Variants in DCP2 observed in about 807,000 individuals in gnomAD.
The protein encoded by DCP2 is m7GpppN-mRNA hydrolase.
DCP2 carries 30 observed loss-of-function variants against 56.1 expected under a neutral mutation model. The ratio of observed to expected loss-of-function variants is 0.53; its 90% CI spans 0.40 to 0.73. The LOEUF (loss-of-function observed/expected upper bound fraction) is 0.73. Among genes scored for constraint, DCP2 ranks in the 30% least tolerant of loss-of-function variants. DCP2 has a pLI of 0.00. For missense variants in DCP2, 533 were observed against 502.7 expected, an observed-to-expected ratio of 1.06 and a Z score of -0.58; for synonymous variants, 197 against 163.3, an observed-to-expected ratio of 1.21 and a Z score of -1.57.
chr5:113,004,537 C>T (rs1360452074), intron 8 of DCP2, among the ~76,000 whole-genome samples: 2 of 152,170 alleles, frequency 1.3e-5, no homozygotes, highest in African/African-American at 4.8e-5. Context: ...TGTTAATGCA[C>T]ATTTTGGTTG....
Position 112,992,752 on chromosome 5 carries a change from T to C in DCP2, c.414T>C (p.His138=), listed in dbSNP as rs573768913. The change falls in exon 4 of 11, where the codon CAT becomes CAC. Residue 138 remains histidine (H), a synonymous_variant. Coordinates refer to ENST00000389063, the MANE Select transcript of DCP2 (RefSeq NM_152624.6). ...AAGTAAATAAAGAAGAAGCTCCTCA[T>C]GATTGTGCTGCTAGAGAGGTAAGTT... is the stretch of plus-strand genomic sequence containing the variant. The part of the protein sequence containing the change: ...KGKVNKEEAP[H]DCAAREVFEE... 1.8e-5 allele frequency: 28 copies of C among 1,584,250 alleles called. No homozygotes were observed. In the South Asian group the frequency reaches 2.6e-4, roughly 15 times the overall value.
chr5:112,979,061 T>G (rs1052439059), intron 1 of DCP2, among the ~76,000 whole-genome samples: 1 of 152,192 alleles, frequency 6.6e-6, no homozygotes, highest in Non-Finnish European at 1.5e-5. Flanking sequence ...ATAATTACGT[T>G]GTATTTTGTA....
rs1331929796 is a variant in DCP2 at position 113,015,730 on chromosome 5, T to A, written c.*2246T>A. The A allele has an allele frequency of 6.6e-6, 1 of 152,662 alleles. No homozygotes were observed. Among genetic ancestry groups the A allele is most frequent in the African/African-American group, 2.4e-5 (1 of 41,472 alleles). 9.5% of individuals were successfully genotyped at this position (152,662 alleles called of 1,614,324 possible). ...ATGTGACTTAACTATGCAGAAAATATTTAAGTTGGATGTACTTGTTTTAGG... is the reference window on the plus strand; with the variant it reads ...ATGTGACTTAACTATGCAGAAAATAATTAAGTTGGATGTACTTGTTTTAGG... On this transcript the variant is annotated 3_prime_UTR_variant, in exon 11 of 11. Transcript: ENST00000389063.
intron 2 of DCP2, among the ~76,000 whole-genome samples, chr5:112,991,120 T>G (rs1748566255): frequency 6.6e-6 from 1 of 152,292 alleles, no homozygotes; most frequent in East Asian, 1.9e-4. Flanking sequence ...AGTACCAATA[T>G]GGTCTCTGAA....
chr5:112,992,390 T>C, intron 3 of DCP2, 142 bp downstream of exon 3: 1 of 1,141,092 alleles, frequency 8.8e-7, no homozygotes, highest in Non-Finnish European at 1.2e-6. Context: ...CTTTGTATAT[T>C]TTATCCGCAT....
At chr5:112,996,072 C>A (rs982616555) in intron 4 of DCP2, among the ~76,000 whole-genome samples, 1 of 152,164 alleles carries the variant, frequency 6.6e-6, no homozygotes, top group African/African-American at 2.4e-5. Context: ...AGCCCTATCT[C>A]CAAATACAGT....
intron 7 of DCP2, 58 bp downstream of exon 7, chr5:113,001,732 T>C: frequency 6.7e-7 from 1 of 1,500,610 alleles, no homozygotes; most frequent in Non-Finnish European, 9.3e-7. Flanking sequence ...AGTGGAATAA[T>C]AGTATTTTGC....
At chr5:112,980,257 C>T (rs1327973170) in intron 1 of DCP2, among the ~76,000 whole-genome samples, 1 of 152,008 alleles carries the variant, frequency 6.6e-6, no homozygotes, top group East Asian at 1.9e-4. Flanking sequence ...TTTTTTAAAG[C>T]CCTTTTTAAG....
rs1031300980 is a variant in DCP2 at position 113,019,430 on chromosome 5, C to G, written c.*5946C>G. 1 of 152,190 alleles carries G rather than the reference C, an allele frequency of 6.6e-6. No individual in the cohort carries two copies. Among genetic ancestry groups the G allele is most frequent in the African/African-American group, 2.4e-5 (1 of 41,446 alleles). The allele number at this position is 152,190 out of a possible 1,614,324, so 9.4% of individuals were successfully genotyped here. ...GCTAAGAGTTTCTTTGTGCATTTCACTACTGTTCTAGGGGACTGCTGTCTC... is the reference window on the plus strand; with the variant it reads ...GCTAAGAGTTTCTTTGTGCATTTCAGTACTGTTCTAGGGGACTGCTGTCTC... On this transcript the variant is annotated 3_prime_UTR_variant, in exon 11 of 11. Coordinates refer to ENST00000389063, the MANE Select transcript of DCP2 (RefSeq NM_152624.6).
intron 2 of DCP2, among the ~76,000 whole-genome samples, chr5:112,991,175 A>G (rs1368961677): frequency 6.6e-6 from 1 of 152,230 alleles, no homozygotes; most frequent in African/African-American, 2.4e-5. Flanking sequence ...AGATAATTGA[A>G]TATATGCTCA....
intron 1 of DCP2, among the ~76,000 whole-genome samples, chr5:112,977,476 T>C (rs969628902): frequency 6.6e-5 from 10 of 152,216 alleles, no homozygotes; most frequent in African/African-American, 2.4e-4. Flanking sequence ...TTCGGACTTA[T>C]TCTGACGCCT....
chr5:112,994,188 T>TTA (rs1251654607), intron 4 of DCP2, among the ~76,000 whole-genome samples: 2 of 139,500 alleles, frequency 1.4e-5, no homozygotes, highest in Non-Finnish European at 3.1e-5. Flanking sequence ...TTTTTTTTTT[T>TTA]AAAGACAGGG....
intron 2 of DCP2, 109 bp downstream of exon 2, chr5:112,986,095 A>T (rs895877856): frequency 9.1e-7 from 1 of 1,101,870 alleles, no homozygotes; most frequent in Non-Finnish European, 1.2e-6. Flanking sequence ...AGAAAAACAT[A>T]CTTGATTGCT....
intron 9 of DCP2, 200 bp downstream of exon 9, chr5:113,008,242 G>C (rs1428586734): frequency 2.3e-6 from 1 of 440,152 alleles, no homozygotes; most frequent in African/African-American, 2.0e-5. Context: ...TAATGTTGAT[G>C]CAATTGTACA....
chr5:112,987,894 G>C (rs1011555391), intron 2 of DCP2, among the ~76,000 whole-genome samples: 3 of 151,858 alleles, frequency 2.0e-5, no homozygotes, highest in Non-Finnish European at 2.9e-5. Context: ...TTCCCAAGTA[G>C]CTGGGATTAT....
At chr5:112,997,713 C>T in intron 4 of DCP2, among the ~76,000 whole-genome samples, 1 of 151,654 alleles carries the variant, frequency 6.6e-6, no homozygotes. Flanking sequence ...CTCCCGGGTT[C>T]AAGTGATTCT....
intron 2 of DCP2, among the ~76,000 whole-genome samples, chr5:112,990,847 A>G (rs1748554828): frequency 6.6e-6 from 1 of 151,756 alleles, no homozygotes; most frequent in Non-Finnish European, 1.5e-5. Context: ...ATTGTAGAAC[A>G]TGTAAAATTC....
intron 4 of DCP2, among the ~76,000 whole-genome samples, chr5:113,000,495 T>C (rs1259546878): frequency 6.6e-6 from 1 of 152,152 alleles, no homozygotes; most frequent in African/African-American, 2.4e-5. Context: ...GTTGCACATA[T>C]TGATAGGTAA....
chr5:112,982,347 C>T (rs1403187519), intron 1 of DCP2, among the ~76,000 whole-genome samples: 5 of 152,200 alleles, frequency 3.3e-5, no homozygotes, highest in African/African-American at 1.2e-4. Context: ...GCTCCTCAGA[C>T]TTGCCTAGCA....
Sources: allele counts gnomAD v4.1 joint callset (sites outside exome capture counted in the v4.1 genomes callset), GRCh38; gene constraint gnomAD v4.1.1; transcripts MANE v1.5; gene names NCBI Gene and HGNC (gene_info 2026-07-23, HGNC 2026-07-21).